MARCO: variants seen among roughly 807,000 people sequenced by gnomAD.
MARCO encodes the protein macrophage receptor MARCO.
MARCO carries 72 observed loss-of-function variants against 70.0 expected under a neutral mutation model. The ratio of observed to expected loss-of-function variants is 1.03; its 90% CI spans 0.85 to 1.25. The LOEUF is 1.25. Ranked by LOEUF, MARCO falls within the 50% of genes most tolerant of loss-of-function variation. MARCO has a pLI of 0.00. For missense variants in MARCO, 696 were observed against 659.3 expected (o/e 1.06, Z -0.61); for synonymous variants, 273 against 243.1 (o/e 1.12, Z -1.14).
At position 118,982,346 on chromosome 2, in the gene MARCO, A is replaced by G. The variant is rs1335179586; in HGVS notation, c.1001-2A>G. 6.2e-7 allele frequency: 1 copy of G among 1,613,852 alleles called. No homozygotes were observed. Among genetic ancestry groups the G allele is most frequent in the Admixed American group, 1.7e-5 (1 of 60,004 alleles). ...ATGCTCTCTGTGGTGTCTGTTGTCC[A>G]GGACTTCCAGGGAGCCCCGGGAGTC... On this transcript the variant is annotated splice_acceptor_variant, in intron 11 of 16. Coordinates refer to ENST00000327097, the MANE Select transcript of MARCO (RefSeq NM_006770.4). LOFTEE classifies it high-confidence loss of function.
intron 12 of MARCO, among the ~76,000 whole-genome samples, chr2:118,989,957 G>C (rs1680589799): frequency 6.6e-6 from 1 of 152,076 alleles, no homozygotes; most frequent in Non-Finnish European, 1.5e-5. Flanking sequence ...TTCCATGAAA[G>C]TTTACTGAAA....
chr2:118,982,311 T>A, intron 11 of MARCO, 37 bp from the exon 12 acceptor site: 2 of 1,613,128 alleles, frequency 1.2e-6, no homozygotes, highest in Non-Finnish European at 1.7e-6. Flanking sequence ...ACCTGCCTAG[T>A]CCAGCCCTTA....
chr2:118,986,466 G>C (rs1461505021), intron 12 of MARCO, among the ~76,000 whole-genome samples: 4 of 148,894 alleles, frequency 2.7e-5, no homozygotes, highest in Non-Finnish European at 5.9e-5. Flanking sequence ...CCTGCAGTGA[G>C]CTATGATTGC....
intron 1 of MARCO, among the ~76,000 whole-genome samples, chr2:118,957,826 G>C (rs1209475865): frequency 6.6e-6 from 1 of 152,008 alleles, no homozygotes; most frequent in Non-Finnish European, 1.5e-5. Context: ...TTCATAGCAG[G>C]GGTGCAGGGA....
chr2:118,982,098 G>A (rs943875229), intron 10 of MARCO, 58 bp from the exon 11 acceptor site: 11 of 1,237,408 alleles, frequency 8.9e-6, no homozygotes, highest in Non-Finnish European at 1.3e-5. Flanking sequence ...ACTGGGGGTT[G>A]GGGTATCTGG....
At chr2:118,974,041 C>T (rs1573394955) in intron 4 of MARCO, among the ~76,000 whole-genome samples, 1 of 152,158 alleles carries the variant, frequency 6.6e-6, no homozygotes, top group Non-Finnish European at 1.5e-5. Flanking sequence ...TTCCATCTTA[C>T]TGATGAGGGA....
chr2:118,969,985 C>A, intron 2 of MARCO, 129 bp from the exon 3 acceptor site: 1 of 791,698 alleles, frequency 1.3e-6, no homozygotes, highest in Non-Finnish European at 2.1e-6. Context: ...CACGCTAGGT[C>A]CTGACAGCAC....
At chr2:118,954,371 A>C (rs1679787186) in intron 1 of MARCO, among the ~76,000 whole-genome samples, 1 of 152,150 alleles carries the variant, frequency 6.6e-6, no homozygotes, top group Non-Finnish European at 1.5e-5. Context: ...AACTCCAGTG[A>C]CCTGGGAATC....
At chr2:118,953,269 C>T (rs556169478) in intron 1 of MARCO, among the ~76,000 whole-genome samples, 2 of 152,270 alleles carry the variant, frequency 1.3e-5, no homozygotes, top group Middle Eastern at 6.8e-3. Flanking sequence ...TAGGGCTTAA[C>T]AAAGAGTTAT....
At chr2:118,977,783 C>T in intron 7 of MARCO, 45 bp from the exon 8 acceptor site, 3 of 1,483,402 alleles carry the variant, frequency 2.0e-6, no homozygotes, top group Non-Finnish European at 9.3e-7. Flanking sequence ...AGCCTGTCCC[C>T]AAAAGGATAG....
intron 6 of MARCO, among the ~76,000 whole-genome samples, chr2:118,976,826 A>G (rs1680292279): frequency 6.6e-6 from 1 of 152,202 alleles, no homozygotes; most frequent in Non-Finnish European, 1.5e-5. Flanking sequence ...CATGCAGGAC[A>G]TATTCCTAGG....
chr2:118,982,780 A>G (rs976513248), intron 12 of MARCO, among the ~76,000 whole-genome samples: 1 of 152,154 alleles, frequency 6.6e-6, no homozygotes, highest in Non-Finnish European at 1.5e-5. Flanking sequence ...GTCTAGATTC[A>G]GGCTGGAGGG....
chr2:118,957,617 C>T (rs181809299), intron 1 of MARCO, among the ~76,000 whole-genome samples: 1 of 152,136 alleles, frequency 6.6e-6, no homozygotes, highest in East Asian at 1.9e-4. Flanking sequence ...GACACTATTC[C>T]ACAAGACAGA....
At chr2:118,955,086 TC>T (rs1294821434) in intron 1 of MARCO, among the ~76,000 whole-genome samples, 1 of 150,720 alleles carries the variant, frequency 6.6e-6, no homozygotes, top group East Asian at 1.9e-4. Flanking sequence ...CAGCAATGGA[TC>T]CAAGCCAAGA....
chr2:118,942,264 C>G lies in MARCO; in HGVS notation c.-37C>G. ...GTTCCTCTTGAGGGGAGCATTTCTG[C>G]TGGCTCCAGGACTTTGGCCATCTAT... is the stretch of plus-strand genomic sequence containing the variant. On this transcript the variant is annotated 5_prime_UTR_variant, in exon 1 of 17. Transcript: ENST00000327097. 7.0e-7 allele frequency: 1 copy of G among 1,421,348 alleles called. No individual in the cohort carries two copies. The highest frequency in any genetic ancestry group is 9.9e-7 in the Non-Finnish European group (1 of 1,006,362). The allele number at this position is 1,421,348 out of a possible 1,614,324, so 88.0% of individuals were successfully genotyped here. A position where few individuals can be genotyped will look rare whatever the true frequency, so the allele number is the denominator to read the frequency against.
chr2:118,944,653 C>T (rs1311442625), intron 1 of MARCO: 2 of 115,486 alleles, frequency 1.7e-5, no homozygotes, highest in Non-Finnish European at 4.1e-5. Context: ...AAGTATTAAA[C>T]TAGTTTTTTT....
At position 118,974,547 on chromosome 2, in the gene MARCO, G is replaced by A. The variant is rs1173288534; in HGVS notation, c.595G>A (p.Gly199Arg). ...TGPSGPQGPP[G>R]VKGEAGLQGP... ...CCCCTCGGGACCCCAAGGCCCACCG[G>A]GAGTCAAGGGAGAGGCGGGTGAGTA... The change falls in exon 6 of 17, where the codon GGA becomes AGA. Residue 199 changes from glycine to arginine, a missense_variant. Physicochemically the swap from Gly to Arg is moderately radical, Grantham distance 125 (BLOSUM62 -2). Around this residue, in one of 3 missense-constraint regions of MARCO, gnomAD observed 605 missense variants for 537.6 expected, o/e 1.13. Coordinates refer to ENST00000327097, the MANE Select transcript of MARCO (RefSeq NM_006770.4). The A allele has an allele frequency of 6.2e-7, 1 of 1,613,626 alleles. No individual in the cohort carries two copies. Among genetic ancestry groups the A allele is most frequent in the Non-Finnish European group, 8.5e-7 (1 of 1,179,940 alleles).
intron 12 of MARCO, among the ~76,000 whole-genome samples, chr2:118,986,586 G>GAAGAAAGA (rs755693328): frequency 0.017 from 782 of 46,608 alleles, 36 homozygotes; most frequent in African/African-American, 0.018. Context: ...GGGAAGGAAA[G>GAAGAAAGA]AAGAAAGAAA....
chr2:118,950,801 T>C lies in MARCO; in HGVS notation c.97+8404T>C, dbSNP rs1010472832. Among the ~76,000 whole-genome samples, 26 of 151,204 alleles carry C rather than the reference T, an allele frequency of 1.7e-4. 1 individual carries two copies. The highest frequency in any genetic ancestry group is 4.3e-4 in the South Asian group (2 of 4,694). On this transcript the variant is annotated intron_variant, in intron 1 of 16. Coordinates refer to ENST00000327097, the MANE Select transcript of MARCO (RefSeq NM_006770.4). ...TTTACATAAATTCTCCCCTCCCCCC[T>C]TTTTTTTTCCTCAAAGATGATAGCC...
Sources: allele counts gnomAD v4.1 joint callset (sites outside exome capture counted in the v4.1 genomes callset), GRCh38; gene constraint gnomAD v4.1.1; regional missense constraint gnomAD v4.1.1; transcripts MANE v1.5; gene names NCBI Gene and HGNC (gene_info 2026-07-23, HGNC 2026-07-21).